Variants in PGAM5 observed in about 807,000 individuals in gnomAD.
PGAM5 encodes serine/threonine-protein phosphatase PGAM5, mitochondrial.
In PGAM5, 25 loss-of-function variants were observed where a neutral mutation model predicts 30.6. That is an observed-to-expected ratio of 0.82 (90% CI 0.60 to 1.14). The LOEUF is 1.14. Ranked by LOEUF, PGAM5 falls within the 50% of genes most tolerant of loss-of-function variation. The probability of loss-of-function intolerance (pLI) is 0.00; values close to 1 mark genes in which losing one functional copy is unlikely to be tolerated. For synonymous variants in PGAM5, 201 were observed against 179.1 expected (o/e 1.12, Z -0.98); for missense variants, 384 against 408.5 (o/e 0.94, Z 0.52).
At position 132,717,312 on chromosome 12, in the gene PGAM5, G is replaced by A. The variant is rs1463086157; in HGVS notation, c.371-127G>A. ...GGGTCGTGTTTGCGGGCGGAGGAGG[G>A]GGTGTTTGCGGGCGGAGGAGGGGGT... On this transcript the variant is annotated intron_variant, in intron 2 of 5. Coordinates refer to ENST00000498926, the MANE Select transcript of PGAM5 (RefSeq NM_001170543.2). The A allele has an allele frequency of 1.1e-5, 13 of 1,155,450 alleles. No homozygotes were observed. The South Asian group carries it at 2.0e-4, about 17-fold the overall frequency. 71.6% of individuals were successfully genotyped at this position (1,155,450 alleles called of 1,614,324 possible).
At position 132,721,076 on chromosome 12, in the gene PGAM5, C is replaced by G; in HGVS notation, c.*248C>G. 2.6e-6 allele frequency: 1 copy of G among 389,316 alleles called. No individual in the cohort carries two copies. Among genetic ancestry groups the G allele is most frequent in the Non-Finnish European group, 4.6e-6 (1 of 215,714 alleles). 24.1% of individuals were successfully genotyped at this position (389,316 alleles called of 1,614,324 possible). A position where few individuals can be genotyped will look rare whatever the true frequency, so the allele number is the denominator to read the frequency against. Reference sequence around the variant, plus strand: ...AAAGCGTCTCACGCACAAGTCAGGCCTGTTGTGGGGACTTGAAAGAGGCCT... The same window carrying G: ...AAAGCGTCTCACGCACAAGTCAGGCGTGTTGTGGGGACTTGAAAGAGGCCT... On this transcript the variant is annotated 3_prime_UTR_variant, in exon 6 of 6. Coordinates refer to ENST00000498926, the MANE Select transcript of PGAM5 (RefSeq NM_001170543.2).
intron 1 of PGAM5, among the ~76,000 whole-genome samples, chr12:132,712,221 G>A (rs980722139): frequency 6.6e-6 from 1 of 152,150 alleles, no homozygotes; most frequent in African/African-American, 2.4e-5. Context: ...TAAGGTTCAT[G>A]TTTCATTGAG....
In PGAM5 at chr12:132,721,968, T is replaced by C. The variant is rs1431545491; in HGVS notation, c.*1140T>C. On this transcript the variant is annotated 3_prime_UTR_variant, in exon 6 of 6. Transcript: ENST00000498926. ...AACAAGTTTCTCCAAATTTACAGAT[T>C]TCCTGATGATGTTGGGTCTGAACTC... 7.1e-6 allele frequency: 1 copy of C among 141,690 alleles called. No homozygotes were observed. Among genetic ancestry groups the C allele is most frequent in the Non-Finnish European group, 1.5e-5 (1 of 67,934 alleles). 8.8% of individuals were successfully genotyped at this position (141,690 alleles called of 1,614,324 possible).
intron 5 of PGAM5, chr12:132,718,991 C>G: frequency 1.4e-6 from 2 of 1,448,606 alleles, no homozygotes; most frequent in African/African-American, 1.4e-5. Context: ...ACAGAATGAT[C>G]CGGGTTCAGG....
At chr12:132,715,409 A>G (rs560805449) in intron 2 of PGAM5, among the ~76,000 whole-genome samples, 12 of 150,638 alleles carry the variant, frequency 8.0e-5, no homozygotes, top group Admixed American at 3.3e-4. Flanking sequence ...TGTCTCTACT[A>G]AAAGTACAAA....
chr12:132,710,876 C>T lies in PGAM5; in HGVS notation c.-1C>T. ...CGCGGGCCGGCGCGGGAGCAAGCGG[C>T]ATGGCGTTCCGGCAGGCGCTGCAGC... On this transcript the variant is annotated 5_prime_UTR_variant, in exon 1 of 6. Coordinates refer to ENST00000498926, the MANE Select transcript of PGAM5 (RefSeq NM_001170543.2). The T allele has an allele frequency of 2.6e-6, 3 of 1,132,430 alleles. No individual in the cohort carries two copies. Among genetic ancestry groups the T allele is most frequent in the Non-Finnish European group, 3.2e-6 (3 of 925,700 alleles). The allele number at this position is 1,132,430 out of a possible 1,614,324, so 70.1% of individuals were successfully genotyped here.
rs2043616384 is a variant in PGAM5, at chr12:132,718,946, C to T, written c.719+826C>T. On this transcript the variant is annotated intron_variant, in intron 5 of 5. Coordinates refer to ENST00000498926, the MANE Select transcript of PGAM5 (RefSeq NM_001170543.2). ...GGCTGCTCCCTCGGGGGGCCCTTGT[C>T]CCTCAACCTGCTCTGGTGCCCCACT... 7 of 1,526,916 alleles carry T rather than the reference C, an allele frequency of 4.6e-6. No individual in the cohort carries two copies. The South Asian group carries it at 6.3e-5, about 14-fold the overall frequency. The allele number at this position is 1,526,916 out of a possible 1,614,324, so 94.6% of individuals were successfully genotyped here.
chr12:132,718,048 A>G lies in PGAM5; in HGVS notation c.647A>G (p.Asp216Gly), dbSNP rs2043600889. The change falls in exon 5 of 6, where the codon GAT (aspartate) becomes GGT (glycine). Residue 216 changes from aspartate (D) to glycine (G), a missense_variant. Transcript: ENST00000498926. ...TTCCGGAACTACATCCACCGCGCAG[A>G]TGCCAGGCAGGAGGAGGACAGTTAC... ...AAFRNYIHRA[D>G]ARQEEDSYEI... 1 of 1,612,854 alleles carries G rather than the reference A, an allele frequency of 6.2e-7. No individual in the cohort carries two copies. Among genetic ancestry groups the G allele is most frequent in the Non-Finnish European group, 8.5e-7 (1 of 1,179,984 alleles).
At chr12:132,715,911 T>C (rs551198005) in intron 2 of PGAM5, among the ~76,000 whole-genome samples, 2 of 152,200 alleles carry the variant, frequency 1.3e-5, no homozygotes, top group South Asian at 2.1e-4. Flanking sequence ...TTAGCAAATG[T>C]TGGACAGATC....
At chr12:132,719,242 G>C in intron 5 of PGAM5, 1 of 1,128,980 alleles carries the variant, frequency 8.9e-7, no homozygotes, top group Non-Finnish European at 1.1e-6. Context: ...TGAGTGTGAC[G>C]AGTCCTGTGG....
chr12:132,712,851 C>T (rs2043535911), intron 1 of PGAM5, among the ~76,000 whole-genome samples: 1 of 152,112 alleles, frequency 6.6e-6, no homozygotes, highest in Non-Finnish European at 1.5e-5. Flanking sequence ...AACAGATTTA[C>T]TCTGCCGTTA....
At chr12:132,720,617 G>C in intron 5 of PGAM5, 61 bp from the exon 6 acceptor site, 1 of 1,493,144 alleles carries the variant, frequency 6.7e-7, no homozygotes. Context: ...AGCTCAGCCC[G>C]TTTTAAGGAC....
chr12:132,720,363 A>G (rs1269297131), intron 5 of PGAM5, among the ~76,000 whole-genome samples: 1 of 148,846 alleles, frequency 6.7e-6, no homozygotes, highest in Admixed American at 6.8e-5. Flanking sequence ...GCTGGAGTGC[A>G]GTGGCGCGAT....
At chr12:132,715,430 G>T (rs984738931) in intron 2 of PGAM5, among the ~76,000 whole-genome samples, 2 of 151,672 alleles carry the variant, frequency 1.3e-5, no homozygotes, top group East Asian at 3.9e-4. Flanking sequence ...AATTAGCCAG[G>T]TGCAGTGGTG....
intron 5 of PGAM5, among the ~76,000 whole-genome samples, chr12:132,719,969 G>A (rs897794490): frequency 3.3e-5 from 5 of 152,210 alleles, no homozygotes; most frequent in Non-Finnish European, 5.9e-5. Context: ...GCTTTTATAT[G>A]GGAAAAGCAG....
chr12:132,719,483 A>G (rs529895970), intron 5 of PGAM5, among the ~76,000 whole-genome samples: 2 of 152,184 alleles, frequency 1.3e-5, no homozygotes, highest in Admixed American at 6.5e-5. Context: ...GCCTCAGGCT[A>G]AGTGAGTACC....
At position 132,714,906 on chromosome 12, in the gene PGAM5, T is replaced by A; in HGVS notation, c.240T>A (p.Ser80=). The change falls in exon 2 of 6, where the codon TCT becomes TCA. Residue 80 remains serine, a synonymous_variant. Transcript: ENST00000498926. Reference sequence around the variant, plus strand: ...ACGTGCGGAAGAGGAACGTGGAATCTGGGGAAGAAGAGCTGGCGTCCAAGC... The same window carrying A: ...ACGTGCGGAAGAGGAACGTGGAATCAGGGGAAGAAGAGCTGGCGTCCAAGC... ...LINVRKRNVE[S]GEEELASKLD... The A allele has an allele frequency of 6.2e-7, 1 of 1,613,738 alleles. No individual in the cohort carries two copies. Among genetic ancestry groups the A allele is most frequent in the South Asian group, 1.1e-5 (1 of 91,086 alleles).
rs932825128 is a variant in PGAM5 at position 132,719,273 on chromosome 12, G to A, written c.719+1153G>A. 8.5e-6 allele frequency: 9 copies of A among 1,062,870 alleles called. No homozygotes were observed. The Admixed American group carries it at 4.5e-4, about 53-fold the overall frequency. 65.8% of individuals were successfully genotyped at this position (1,062,870 alleles called of 1,614,324 possible). A position where few individuals can be genotyped will look rare whatever the true frequency, so the allele number is the denominator to read the frequency against. On this transcript the variant is annotated intron_variant, in intron 5 of 5. Transcript: ENST00000498926. ...TGTGGTGGGAGGACAGGACGGCACT[G>A]GTCAGTGATGCCGTGTGAGGCTGGG...
At chr12:132,719,265 A>G (rs1593122091) in intron 5 of PGAM5, 1 of 1,093,660 alleles carries the variant, frequency 9.1e-7, no homozygotes, top group South Asian at 2.4e-5. Context: ...GGAGGACAGG[A>G]CGGCACTGGT....
Sources: allele counts gnomAD v4.1 joint callset (sites outside exome capture counted in the v4.1 genomes callset), GRCh38; gene constraint gnomAD v4.1.1; transcripts MANE v1.5; gene names NCBI Gene and HGNC (gene_info 2026-07-23, HGNC 2026-07-21).